LRRC74B: variants seen among roughly 807,000 people sequenced by gnomAD.
LRRC74B encodes the protein leucine-rich repeat-containing protein 74B.
A neutral mutation model predicts 16.6 loss-of-function variants in LRRC74B; 30 were observed. That is an observed-to-expected ratio of 1.80 (90% CI 1.35 to 2.45). The LOEUF (loss-of-function observed/expected upper bound fraction) is 2.45, where lower values mean the gene tolerates loss of function less well. Ranked by LOEUF, LRRC74B falls within the 30% of genes most tolerant of loss-of-function variation. The pLI, the probability that LRRC74B is intolerant of heterozygous loss-of-function variation, is 0.00. For synonymous variants in LRRC74B, 134 were observed against 86.0 expected, an observed-to-expected ratio of 1.56 and a Z score of -3.09; for missense variants, 326 against 202.4, an observed-to-expected ratio of 1.61 and a Z score of -3.71.
chr22:21,047,838 G>A (rs1430298451), intron 2 of LRRC74B, 46 bp from the exon 3 acceptor site: 1 of 712,446 alleles, frequency 1.4e-6, no homozygotes, highest in Non-Finnish European at 2.6e-6. Context: ...GAGCCCTGGA[G>A]CATGAGCCAG....
intron 4 of LRRC74B, 88 bp downstream of exon 4, chr22:21,049,245 C>T (rs1209052762): frequency 1.3e-5 from 8 of 610,984 alleles, no homozygotes; most frequent in Admixed American, 8.6e-5. Context: ...CGCTGCACAT[C>T]GCCAGGGAGC....
intron 8 of LRRC74B, among the ~76,000 whole-genome samples, chr22:21,058,199 G>A (rs570128559): frequency 4.0e-5 from 6 of 151,810 alleles, no homozygotes; most frequent in Non-Finnish European, 5.9e-5. Context: ...TGCGCCTGGC[G>A]AATTTTGATT....
At position 21,048,032 on chromosome 22, in the gene LRRC74B, G is replaced by GGGGCAGGT. The variant is rs1929633200; in HGVS notation, c.415+24_415+31dup. 1 of 717,118 alleles carries GGGGCAGGT rather than the reference G, an allele frequency of 1.4e-6. No individual in the cohort carries two copies. The highest frequency in any genetic ancestry group is 2.7e-5 in the East Asian group (1 of 37,280). 44.4% of individuals were successfully genotyped at this position (717,118 alleles called of 1,614,324 possible). On this transcript the variant is annotated intron_variant, in intron 3 of 8. Coordinates refer to ENST00000442047, the Ensembl canonical transcript of LRRC74B. ...AGCATCCATGGTAGGTGCTGGGTCT[G>GGGGCAGGT]GGGCAGGTGGGCAGGCGTGTCCTCC...
At chr22:21,047,731 G>A (rs375135422) in intron 2 of LRRC74B, among the ~76,000 whole-genome samples, 153 bp from the exon 3 acceptor site, 7 of 152,196 alleles carry the variant, frequency 4.6e-5, no homozygotes, top group South Asian at 2.1e-4. Context: ...AGCTGGGGGT[G>A]GGGGGAGACC....
At chr22:21,060,027 A>G (rs1930731833) in intron 8 of LRRC74B, among the ~76,000 whole-genome samples, 1 of 152,014 alleles carries the variant, frequency 6.6e-6, no homozygotes, top group Non-Finnish European at 1.5e-5. Context: ...ATAGCCGGGC[A>G]TGGTGGTGGG....
exon 5 of LRRC74B, chr22:21,052,349 G>A (rs1569198103): frequency 2.8e-6 from 2 of 717,416 alleles, no homozygotes; most frequent in African/African-American, 1.7e-5. Flanking sequence ...CATTTGCCAG[G>A]GGACTGGAGG....
At chr22:21,057,271 A>G in intron 8 of LRRC74B, 71 bp downstream of exon 8, 1 of 692,032 alleles carries the variant, frequency 1.4e-6, no homozygotes, top group Non-Finnish European at 2.7e-6. Context: ...TTTTAGAAGA[A>G]GAAAGTGAGG....
chr22:21,055,437 C>T (rs1012838819), intron 7 of LRRC74B, among the ~76,000 whole-genome samples: 6 of 152,280 alleles, frequency 3.9e-5, no homozygotes, highest in Admixed American at 2.0e-4. Flanking sequence ...GCTGGGCACC[C>T]CTTGTGTCTC....
downstream of LRRC74B, chr22:21,063,634 G>A (rs1284620349): frequency 1.3e-5 from 2 of 152,040 alleles, no homozygotes; most frequent in Non-Finnish European, 2.9e-5. Context: ...GACCATACCA[G>A]TGCATTCCAG....
In LRRC74B at chr22:21,057,089, T is replaced by G; in HGVS notation, c.928-16T>G. 1 of 717,318 alleles carries G rather than the reference T, an allele frequency of 1.4e-6. No individual in the cohort carries two copies. Among genetic ancestry groups the G allele is most frequent in the Non-Finnish European group, 2.6e-6 (1 of 385,034 alleles). The allele number at this position is 717,318 out of a possible 1,614,324, so 44.4% of individuals were successfully genotyped here. A position where few individuals can be genotyped will look rare whatever the true frequency, so the allele number is the denominator to read the frequency against. On this transcript the variant is annotated splice_polypyrimidine_tract_variant and intron_variant, in intron 7 of 8. Transcript: ENST00000442047. ...CCGGACCTGGCTTCTCGCAGCTTTGTGTGCGTGTTTCTCAGGTGTCCAGGA... is the reference window on the plus strand; with the variant it reads ...CCGGACCTGGCTTCTCGCAGCTTTGGGTGCGTGTTTCTCAGGTGTCCAGGA...
chr22:21,060,040 C>T (rs796418903), intron 8 of LRRC74B, among the ~76,000 whole-genome samples: 4 of 151,922 alleles, frequency 2.6e-5, no homozygotes, highest in African/African-American at 7.3e-5. Flanking sequence ...GTGGTGGGCA[C>T]CTGTAGTCCC....
chr22:21,055,137 C>T (rs1930400821), exon 7 of LRRC74B: 1 of 717,118 alleles, frequency 1.4e-6, no homozygotes, highest in East Asian at 2.7e-5. Context: ...TGAGCCTGGG[C>T]CTGGGCCTCC....
At chr22:21,053,399 G>A in exon 6 of LRRC74B, 1 of 717,488 alleles carries the variant, frequency 1.4e-6, no homozygotes, top group Non-Finnish European at 2.6e-6. Context: ...CTCATACAAT[G>A]GCTTTGGGGA....
chr22:21,064,022 A>G (rs1189763524), downstream of LRRC74B: 1 of 160,486 alleles, frequency 6.2e-6, no homozygotes, highest in Non-Finnish European at 1.3e-5. Flanking sequence ...AATAATGAAA[A>G]GAAAAAGAAA....
downstream of LRRC74B, chr22:21,062,364 A>T (rs1186640646): frequency 1.3e-5 from 2 of 152,222 alleles, no homozygotes; most frequent in African/African-American, 2.4e-5. Context: ...TGTGAAATAC[A>T]TCTCAAGAAA....
At chr22:21,061,833 T>A (rs185014521), downstream of LRRC74B, 1 of 152,222 alleles carries the variant, frequency 6.6e-6, no homozygotes, top group Non-Finnish European at 1.5e-5. Flanking sequence ...CACCAGTGGA[T>A]AAATGCAATG....
rs568119682 is a variant in LRRC74B, at chr22:21,059,824, A to G, written c.1024-549A>G. Among the ~76,000 whole-genome samples the G allele has an allele frequency of 2.6e-3, 403 of 152,120 alleles. 5 individuals carry two copies. Among genetic ancestry groups the G allele is most frequent in the African/African-American group, 9.2e-3 (380 of 41,470 alleles). ...GAACATAAGCTGAGATGACAGACCTAAGGGAAAGGCCTTGCACAGAGAAGG... is the reference window on the plus strand; with the variant it reads ...GAACATAAGCTGAGATGACAGACCTGAGGGAAAGGCCTTGCACAGAGAAGG... On this transcript the variant is annotated intron_variant, in intron 8 of 8. Coordinates refer to ENST00000442047, the Ensembl canonical transcript of LRRC74B.
At chr22:21,046,080 G>A (rs896443859) in exon 1 of LRRC74B, 12 of 717,408 alleles carry the variant, frequency 1.7e-5, no homozygotes, top group African/African-American at 1.0e-4. Context: ...CCCCGAGGCC[G>A]AGCAGGGTCC....
At chr22:21,052,100 T>TGA in intron 4 of LRRC74B, 149 bp from the exon 5 acceptor site, 1 of 622,120 alleles carries the variant, frequency 1.6e-6, no homozygotes. Context: ...CCATGAAATG[T>TGA]GAGTTCCTTA....
Sources: gnomAD v4.1 joint callset for allele counts (sites outside exome capture counted in the v4.1 genomes callset) on GRCh38, gnomAD v4.1.1 for gene constraint, MANE v1.5 for transcripts, NCBI Gene and HGNC (gene_info 2026-07-23, HGNC 2026-07-21) for gene names.